SUPT3H: variants seen among roughly 807,000 people sequenced by gnomAD.
SUPT3H encodes the protein SPT3 homolog, SAGA and STAGA complex component.
In SUPT3H, 44 loss-of-function variants were observed where a neutral mutation model predicts 44.3. The observed-to-expected ratio is 0.99, with a 90% CI of 0.78 to 1.28. The LOEUF is 1.28. SUPT3H is among the 50% of genes most tolerant of loss of function. The probability of loss-of-function intolerance (pLI) is 0.00; values close to 1 mark genes in which losing one functional copy is unlikely to be tolerated. For missense variants in SUPT3H, 380 were observed against 387.1 expected (o/e 0.98, Z 0.15); for synonymous variants, 124 against 125.6 (o/e 0.99, Z 0.09).
At chr6:45,075,075 A>T (rs887384869) in intron 3 of SUPT3H, among the ~76,000 whole-genome samples, 3 of 152,104 alleles carry the variant, frequency 2.0e-5, no homozygotes, top group Non-Finnish European at 2.9e-5. Context: ...ATAGCTTGTC[A>T]ATTCTCAGAG....
intron 3 of SUPT3H, 122 bp downstream of exon 3, chr6:45,105,800 C>A: frequency 1.4e-6 from 1 of 711,484 alleles, no homozygotes; most frequent in Admixed American, 2.8e-5. Context: ...ATAAAGTATA[C>A]TTCAATAATG....
intron 1 of SUPT3H, chr6:45,372,075 T>A: frequency 2.1e-6 from 2 of 942,044 alleles, no homozygotes; most frequent in Non-Finnish European, 2.5e-6. Context: ...AATGTGTATG[T>A]CACAGTGAAC....
intron 2 of SUPT3H, among the ~76,000 whole-genome samples, chr6:45,270,986 AG>A (rs1203606800): frequency 6.6e-6 from 1 of 152,226 alleles, no homozygotes; most frequent in Non-Finnish European, 1.5e-5. Flanking sequence ...CCCCTGCCCT[AG>A]AAATTTGTGG....
intron 10 of SUPT3H, among the ~76,000 whole-genome samples, chr6:44,919,009 A>C (rs550120489): frequency 7.7e-4 from 117 of 152,340 alleles, no homozygotes; most frequent in Non-Finnish European, 1.3e-3. Context: ...GGTGATGATG[A>C]ACTACATAGC....
In SUPT3H at chr6:45,014,798, T is replaced by C; in HGVS notation, c.364+3A>G. The C allele has an allele frequency of 2.5e-6, 4 of 1,569,816 alleles. No individual in the cohort carries two copies. Among genetic ancestry groups the C allele is most frequent in the Non-Finnish European group, 3.4e-6 (4 of 1,162,478 alleles). ...TTTTAGTTTTGTGTTTTGTTTTGGT[T>C]ACCTTCGAGAAGATCATCCTCATCG... On this transcript the variant is annotated splice_donor_region_variant and intron_variant, in intron 5 of 10. Coordinates refer to ENST00000371459, the MANE Select transcript of SUPT3H (RefSeq NM_003599.4).
In SUPT3H at chr6:45,130,520, C is replaced by T. The variant is rs1390229137; in HGVS notation, c.102-24514G>A. ...CGAGTTTATTCCATCCTTTTTGAGG[C>T]CTAGCTCTGTAGCTGCTGGGATGGT... is the stretch of plus-strand genomic sequence containing the variant. On this transcript the variant is annotated intron_variant, in intron 2 of 10. Transcript: ENST00000371459. 2.0e-5 allele frequency among the ~76,000 whole-genome samples: 3 copies of T among 151,784 alleles called. No homozygotes were observed. In the East Asian group the frequency reaches 5.8e-4, roughly 29 times the overall value.
chr6:45,046,564 C>T (rs973259680), intron 3 of SUPT3H, among the ~76,000 whole-genome samples: 1 of 152,180 alleles, frequency 6.6e-6, no homozygotes, highest in Non-Finnish European at 1.5e-5. Context: ...CTCCTGACCT[C>T]AAGTAATCCA....
At chr6:44,897,529 T>C (rs1195037750) in intron 10 of SUPT3H, among the ~76,000 whole-genome samples, 1 of 152,194 alleles carries the variant, frequency 6.6e-6, no homozygotes. Flanking sequence ...CTCCTGACTT[T>C]GCATCATGTT....
intron 10 of SUPT3H, among the ~76,000 whole-genome samples, chr6:44,885,552 G>A (rs1762119332): frequency 6.6e-6 from 1 of 152,108 alleles, no homozygotes; most frequent in African/African-American, 2.4e-5. Context: ...TGCAGCTAAG[G>A]GTCCTGTCTG....
At chr6:44,944,016 C>G (rs773485737) in intron 9 of SUPT3H, among the ~76,000 whole-genome samples, 1 of 151,918 alleles carries the variant, frequency 6.6e-6, no homozygotes, top group Non-Finnish European at 1.5e-5. Context: ...TGGCTAAGAT[C>G]AAGTGAAGCT....
chr6:45,214,893 G>A (rs558527836), intron 2 of SUPT3H, among the ~76,000 whole-genome samples: 1 of 151,960 alleles, frequency 6.6e-6, no homozygotes, highest in East Asian at 1.9e-4. Context: ...ACCGAGAGTC[G>A]GCACTCCATG....
At chr6:44,886,231 G>A (rs942973190) in intron 10 of SUPT3H, among the ~76,000 whole-genome samples, 3 of 152,192 alleles carry the variant, frequency 2.0e-5, no homozygotes, top group Admixed American at 6.5e-5. Flanking sequence ...AATCTAGCAA[G>A]GCAGGCCAAC....
rs1215514234 is a variant in SUPT3H at position 45,295,084 on chromosome 6, C to T, written c.101+70117G>A. On this transcript the variant is annotated intron_variant, in intron 2 of 10. Coordinates refer to ENST00000371459, the MANE Select transcript of SUPT3H (RefSeq NM_003599.4). ...GAATAAACCTGGAGGCATCACATTA[C>T]CTGATTTCAAACTATACTATTAGGC... 2.0e-5 allele frequency among the ~76,000 whole-genome samples: 3 copies of T among 152,170 alleles called. No homozygotes were observed. In the East Asian group the frequency reaches 5.8e-4, roughly 29 times the overall value.
At chr6:45,178,418 C>T (rs555887301) in intron 2 of SUPT3H, among the ~76,000 whole-genome samples, 1 of 151,870 alleles carries the variant, frequency 6.6e-6, no homozygotes, top group Non-Finnish European at 1.5e-5. Flanking sequence ...CCTAAAGCAA[C>T]TCCTGAGTGA....
rs935094820 is a variant in SUPT3H at position 45,365,369 on chromosome 6, A to C, written c.1-68T>G. 2.8e-6 allele frequency: 3 copies of C among 1,066,924 alleles called. No homozygotes were observed. In the African/African-American group the frequency reaches 4.8e-5, roughly 17 times the overall value. 66.1% of individuals were successfully genotyped at this position (1,066,924 alleles called of 1,614,324 possible). On this transcript the variant is annotated intron_variant, in intron 1 of 10. Coordinates refer to ENST00000371459, the MANE Select transcript of SUPT3H (RefSeq NM_003599.4). ...TATAAGTAAATGCAAAAAAAAAAGA[A>C]AGCAAATATAAATTACTTCAAAAAG...
At chr6:45,082,893 G>A (rs1354357520) in intron 3 of SUPT3H, among the ~76,000 whole-genome samples, 1 of 151,948 alleles carries the variant, frequency 6.6e-6, no homozygotes, top group Non-Finnish European at 1.5e-5. Context: ...CTGACCAGAA[G>A]GCTCCTAGAA....
chr6:45,208,543 G>A (rs1321565187), intron 2 of SUPT3H, among the ~76,000 whole-genome samples: 1 of 152,112 alleles, frequency 6.6e-6, no homozygotes. Flanking sequence ...GGCCAACATG[G>A]TGAAACCCTG....
intron 1 of SUPT3H, among the ~76,000 whole-genome samples, chr6:45,373,870 T>C (rs991866966): frequency 2.0e-5 from 3 of 152,208 alleles, no homozygotes; most frequent in African/African-American, 7.2e-5. Context: ...TACAATATTA[T>C]TTGTAAAAGA....
intron 9 of SUPT3H, among the ~76,000 whole-genome samples, chr6:44,940,510 G>A (rs1468561277): frequency 1.3e-5 from 2 of 152,096 alleles, no homozygotes; most frequent in Non-Finnish European, 2.9e-5. Context: ...ATATTCTGCA[G>A]TTGTTGGGTA....
Sources: allele counts gnomAD v4.1 joint callset (sites outside exome capture counted in the v4.1 genomes callset), GRCh38; gene constraint gnomAD v4.1.1; transcripts MANE v1.5; gene names NCBI Gene and HGNC (gene_info 2026-07-23, HGNC 2026-07-21).